Variants in CCSER1 observed in about 807,000 individuals in gnomAD.
CCSER1 encodes the protein serine-rich coiled-coil domain-containing protein 1.
In CCSER1, 41 loss-of-function variants were observed where a neutral mutation model predicts 82.0. The observed-to-expected ratio is 0.50, with a 90% CI of 0.39 to 0.65. The LOEUF (loss-of-function observed/expected upper bound fraction) is 0.65. Among genes scored for constraint, CCSER1 ranks in the 30% least tolerant of loss-of-function variants. The pLI is 0.00. For synonymous variants in CCSER1, 414 were observed against 383.9 expected, an observed-to-expected ratio of 1.08 and a Z score of -0.92; for missense variants, 1,119 against 1,064.2, an observed-to-expected ratio of 1.05 and a Z score of -0.72.
chr4:90,842,605 A>G (rs143313466), intron 8 of CCSER1, among the ~76,000 whole-genome samples: 1 of 152,326 alleles, frequency 6.6e-6, no homozygotes, highest in African/African-American at 2.4e-5. Flanking sequence ...AATTGACCTG[A>G]CATGTCTGAT....
At chr4:90,856,947 T>G (rs1341803250) in intron 8 of CCSER1, among the ~76,000 whole-genome samples, 2 of 151,922 alleles carry the variant, frequency 1.3e-5, no homozygotes, top group African/African-American at 4.8e-5. Context: ...TTTTTTTTTT[T>G]TAAGACTACA....
At chr4:91,385,858 T>C (rs995984021) in intron 10 of CCSER1, among the ~76,000 whole-genome samples, 4 of 151,800 alleles carry the variant, frequency 2.6e-5, no homozygotes, top group Non-Finnish European at 5.9e-5. Context: ...ATGAGATAGA[T>C]TGGAATTAAT....
chr4:90,167,394 G>T (rs1730673902), intron 1 of CCSER1, among the ~76,000 whole-genome samples: 1 of 152,096 alleles, frequency 6.6e-6, no homozygotes, highest in South Asian at 2.1e-4. Context: ...CATGGCTAAA[G>T]AAAGATTATC....
chr4:90,782,518 G>A (rs1419647733), intron 7 of CCSER1, among the ~76,000 whole-genome samples: 2 of 152,050 alleles, frequency 1.3e-5, no homozygotes, highest in Admixed American at 6.5e-5. Flanking sequence ...AGGGAAAGCA[G>A]TTATGAATAT....
chr4:91,228,363 A>C (rs545683059), intron 10 of CCSER1, among the ~76,000 whole-genome samples: 1 of 152,202 alleles, frequency 6.6e-6, no homozygotes, highest in East Asian at 1.9e-4. Context: ...TTTATAAGGA[A>C]GCACATACAC....
At chr4:90,278,622 A>T (rs926509847) in intron 1 of CCSER1, among the ~76,000 whole-genome samples, 1 of 152,002 alleles carries the variant, frequency 6.6e-6, no homozygotes. Flanking sequence ...AGAGTTTAAC[A>T]TTGGGCACAC....
intron 9 of CCSER1, among the ~76,000 whole-genome samples, chr4:90,969,070 C>G (rs2150393808): frequency 6.6e-6 from 1 of 151,674 alleles, no homozygotes; most frequent in East Asian, 1.9e-4. Context: ...AAGAAAGCAT[C>G]TGTGAATGTA....
In CCSER1 at chr4:91,244,990, G is replaced by T. The variant is rs368579443; in HGVS notation, c.2217+158996G>T. Among the ~76,000 whole-genome samples the T allele has an allele frequency of 2.2e-3, 331 of 151,966 alleles. 4 individuals are homozygous for T. The highest frequency in any genetic ancestry group is 7.4e-3 in the African/African-American group (307 of 41,480). ...ATTTTGGAGTTGAAAAATGCAATTGGCATACTGAAGAATGCATTAGAGTCT... is the reference window on the plus strand; with the variant it reads ...ATTTTGGAGTTGAAAAATGCAATTGTCATACTGAAGAATGCATTAGAGTCT... On this transcript the variant is annotated intron_variant, in intron 10 of 10. Transcript: ENST00000509176.
At chr4:91,034,898 C>A (rs2150563657) in intron 9 of CCSER1, among the ~76,000 whole-genome samples, 1 of 152,090 alleles carries the variant, frequency 6.6e-6, no homozygotes, top group African/African-American at 2.4e-5. Context: ...ATTAAAAATC[C>A]TTAATTCTTT....
At chr4:90,910,043 T>C (rs1447910383) in intron 8 of CCSER1, among the ~76,000 whole-genome samples, 1 of 152,118 alleles carries the variant, frequency 6.6e-6, no homozygotes, top group Non-Finnish European at 1.5e-5. Flanking sequence ...TCAGGAAACT[T>C]ATGCTCATGA....
At chr4:91,131,019 A>T (rs896194669) in intron 10 of CCSER1, among the ~76,000 whole-genome samples, 4 of 151,906 alleles carry the variant, frequency 2.6e-5, no homozygotes, top group Non-Finnish European at 5.9e-5. Flanking sequence ...GGATCTGTAT[A>T]TGTTTGCATG....
intron 1 of CCSER1, among the ~76,000 whole-genome samples, chr4:90,278,137 T>TC (rs1254094796): frequency 6.6e-6 from 1 of 152,050 alleles, no homozygotes; most frequent in Non-Finnish European, 1.5e-5. Context: ...AGATACCATC[T>TC]CACACCAATC....
intron 10 of CCSER1, among the ~76,000 whole-genome samples, chr4:91,263,020 G>A (rs1448381285): frequency 1.3e-5 from 2 of 151,866 alleles, no homozygotes; most frequent in Non-Finnish European, 2.9e-5. Context: ...TGTAAAATAG[G>A]AGTAATATTA....
intron 10 of CCSER1, among the ~76,000 whole-genome samples, chr4:91,534,515 A>C (rs1334411688): frequency 6.6e-6 from 1 of 152,032 alleles, no homozygotes; most frequent in Non-Finnish European, 1.5e-5. Flanking sequence ...AGTTATCATA[A>C]TTGGAAATAC....
chr4:91,184,592 A>G (rs922585821), intron 10 of CCSER1, among the ~76,000 whole-genome samples: 4 of 152,152 alleles, frequency 2.6e-5, no homozygotes, highest in African/African-American at 9.7e-5. Context: ...TCAGTAACTA[A>G]TTTCTCTAAA....
At chr4:90,870,632 T>C (rs969378696) in intron 8 of CCSER1, among the ~76,000 whole-genome samples, 2 of 151,852 alleles carry the variant, frequency 1.3e-5, no homozygotes, top group East Asian at 1.9e-4. Context: ...TTCAGAGATA[T>C]TGGCCTGTAG....
At chr4:91,262,056 A>G (rs1194422102) in intron 10 of CCSER1, among the ~76,000 whole-genome samples, 1 of 152,092 alleles carries the variant, frequency 6.6e-6, no homozygotes, top group Non-Finnish European at 1.5e-5. Flanking sequence ...TTTGCCCCGG[A>G]TGATTAAAGT....
intron 9 of CCSER1, among the ~76,000 whole-genome samples, chr4:91,084,399 G>T (rs1009540180): frequency 1.1e-4 from 17 of 152,022 alleles, no homozygotes; most frequent in African/African-American, 4.1e-4. Flanking sequence ...AATACATTTG[G>T]TAGCTACTAT....
intron 10 of CCSER1, among the ~76,000 whole-genome samples, chr4:91,482,431 A>AAC (rs1757985543): frequency 6.8e-6 from 1 of 147,264 alleles, no homozygotes; most frequent in African/African-American, 2.5e-5. Flanking sequence ...AAAAAAAAAA[A>AAC]AGTCAGGAAA....
Sources: gnomAD v4.1 joint callset for allele counts (sites outside exome capture counted in the v4.1 genomes callset) on GRCh38, gnomAD v4.1.1 for gene constraint, MANE v1.5 for transcripts, NCBI Gene and HGNC (gene_info 2026-07-23, HGNC 2026-07-21) for gene names.